The following CNTN4 variants were observed in gnomAD, a reference collection of about 807,000 sequenced individuals.
CNTN4 encodes the protein contactin-4.
CNTN4 carries 77 observed loss-of-function variants against 122.5 expected under a neutral mutation model. The ratio of observed to expected loss-of-function variants is 0.63; its 90% confidence interval spans 0.52 to 0.76. The LOEUF is 0.76. Ranked by LOEUF, CNTN4 falls within the 30% of genes least tolerant of loss-of-function variation. CNTN4 has a pLI of 0.00. For missense variants in CNTN4, 1,256 were observed against 1,259.1 expected (o/e 1.00, Z 0.04); for synonymous variants, 512 against 447.0 (o/e 1.15, Z -1.83).
chr3:2,687,522 G>A (rs995684806), intron 4 of CNTN4, among the ~76,000 whole-genome samples: 3 of 152,072 alleles, frequency 2.0e-5, no homozygotes, highest in African/African-American at 7.2e-5. Flanking sequence ...AATTATCTGG[G>A]CATGGTGGCA....
chr3:2,486,615 T>G (rs1299567236), intron 3 of CNTN4, among the ~76,000 whole-genome samples: 1 of 152,200 alleles, frequency 6.6e-6, no homozygotes, highest in African/African-American at 2.4e-5. Flanking sequence ...TATAAGACAC[T>G]AAAAACCCAA....
chr3:2,652,137 G>T (rs2083392101), intron 4 of CNTN4, among the ~76,000 whole-genome samples: 1 of 151,846 alleles, frequency 6.6e-6, no homozygotes, highest in African/African-American at 2.4e-5. Flanking sequence ...CAGGAGGATT[G>T]CTTGAGCTCA....
At chr3:2,480,094 A>T (rs186486139) in intron 3 of CNTN4, among the ~76,000 whole-genome samples, 1 of 152,242 alleles carries the variant, frequency 6.6e-6, no homozygotes, top group Non-Finnish European at 1.5e-5. Flanking sequence ...CTCTCTGCAA[A>T]CTAAGAATAG....
At chr3:2,600,851 C>T (rs1357969241) in intron 4 of CNTN4, among the ~76,000 whole-genome samples, 2 of 152,216 alleles carry the variant, frequency 1.3e-5, no homozygotes, top group Non-Finnish European at 2.9e-5. Context: ...TCCACATCCT[C>T]TCCAGCACCT....
At chr3:2,142,680 C>T (rs149296976) in intron 2 of CNTN4, among the ~76,000 whole-genome samples, 4 of 152,246 alleles carry the variant, frequency 2.6e-5, no homozygotes, top group African/African-American at 7.2e-5. Context: ...TTAATCTTCC[C>T]CTCCATTACC....
chr3:2,653,610 CTCT>C (rs1368100985), intron 4 of CNTN4, among the ~76,000 whole-genome samples: 1 of 151,914 alleles, frequency 6.6e-6, no homozygotes, highest in Admixed American at 6.6e-5. Context: ...GTCAGAAATA[CTCT>C]TCTTTCTCCT....
intron 4 of CNTN4, among the ~76,000 whole-genome samples, chr3:2,666,916 G>A (rs184028111): frequency 6.6e-5 from 10 of 152,148 alleles, no homozygotes; most frequent in African/African-American, 2.4e-4. Context: ...CAAAGGACAT[G>A]AACTCATCCT....
intron 2 of CNTN4, among the ~76,000 whole-genome samples, chr3:2,132,025 G>T (rs544475895): frequency 1.9e-4 from 29 of 152,264 alleles, no homozygotes; most frequent in Middle Eastern, 3.4e-3. Flanking sequence ...GATGCAGTAG[G>T]GGAGATCCTG....
In CNTN4 at chr3:2,284,217, G is replaced by A. The variant is rs148261740; in HGVS notation, c.-144-54961G>A. Among the ~76,000 whole-genome samples, 362 of 152,218 alleles carry A rather than the reference G, an allele frequency of 2.4e-3. 1 individual carries two copies. The highest frequency in any genetic ancestry group is 8.2e-3 in the African/African-American group (341 of 41,552). On this transcript the variant is annotated intron_variant, in intron 2 of 24. Transcript: ENST00000418658. Reference sequence around the variant, plus strand: ...TTAGAATGATGCCTGTAGACTGGAAGCAGTGAAGGAAACAACATCAGAAAT... The same window carrying A: ...TTAGAATGATGCCTGTAGACTGGAAACAGTGAAGGAAACAACATCAGAAAT...
At chr3:2,225,886 A>C (rs1386624511) in intron 2 of CNTN4, among the ~76,000 whole-genome samples, 1 of 152,140 alleles carries the variant, frequency 6.6e-6, no homozygotes, top group Non-Finnish European at 1.5e-5. Flanking sequence ...ACCCTGCTGT[A>C]GTTTTAAAAT....
chr3:2,384,180 TAATTGCTATC>T (rs2046145859), intron 3 of CNTN4, among the ~76,000 whole-genome samples: 1 of 152,154 alleles, frequency 6.6e-6, no homozygotes, highest in Non-Finnish European at 1.5e-5. Flanking sequence ...CAGTAACCTT[TAATTGCTATC>T]ATTATTATTA....
intron 4 of CNTN4, among the ~76,000 whole-genome samples, chr3:2,610,023 G>A (rs940927319): frequency 6.6e-5 from 10 of 152,120 alleles, no homozygotes; most frequent in Admixed American, 1.3e-4. Context: ...TGTCTCTCCC[G>A]AGCACAGTGC....
intron 6 of CNTN4, among the ~76,000 whole-genome samples, chr3:2,769,572 T>A (rs1043173555): frequency 6.6e-6 from 1 of 152,198 alleles, no homozygotes; most frequent in African/African-American, 2.4e-5. Flanking sequence ...AAAAGTTCTG[T>A]CTTTTATGTA....
At chr3:2,487,716 C>G (rs1026521268) in intron 3 of CNTN4, among the ~76,000 whole-genome samples, 3 of 152,142 alleles carry the variant, frequency 2.0e-5, no homozygotes, top group Non-Finnish European at 2.9e-5. Context: ...ATATTGATCT[C>G]TTTCTTCTTA....
chr3:2,851,300 CTA>C (rs2093546419), intron 7 of CNTN4, among the ~76,000 whole-genome samples: 1 of 152,188 alleles, frequency 6.6e-6, no homozygotes, highest in Admixed American at 6.5e-5. Flanking sequence ...AAGTGAAACA[CTA>C]TGCCTCTGAT....
chr3:2,636,304 C>T (rs996852873), intron 4 of CNTN4, among the ~76,000 whole-genome samples: 4 of 152,178 alleles, frequency 2.6e-5, no homozygotes, highest in Admixed American at 2.6e-4. Flanking sequence ...TGTACTTCAT[C>T]CCCTCTCTTC....
intron 4 of CNTN4, among the ~76,000 whole-genome samples, chr3:2,642,927 C>G (rs1210518608): frequency 1.3e-5 from 2 of 152,122 alleles, no homozygotes; most frequent in East Asian, 3.9e-4. Context: ...TGCAAGTGAT[C>G]TAACCATTCT....
intron 6 of CNTN4, among the ~76,000 whole-genome samples, chr3:2,806,758 G>C (rs191164733): frequency 6.6e-6 from 1 of 152,228 alleles, no homozygotes; most frequent in East Asian, 1.9e-4. Flanking sequence ...ACTAAATCAG[G>C]ACTGCTGTGT....
At chr3:2,427,558 G>A (rs916908542) in intron 3 of CNTN4, among the ~76,000 whole-genome samples, 2 of 152,166 alleles carry the variant, frequency 1.3e-5, no homozygotes, top group Non-Finnish European at 2.9e-5. Context: ...GTTGATTTGG[G>A]GTGGAGAGTT....
Sources: gnomAD v4.1 joint callset for allele counts (sites outside exome capture counted in the v4.1 genomes callset) on GRCh38, gnomAD v4.1.1 for gene constraint, MANE v1.5 for transcripts, NCBI Gene and HGNC (gene_info 2026-07-23, HGNC 2026-07-21) for gene names.